The following TP53INP1 variants were observed in gnomAD, a reference collection of about 807,000 sequenced individuals.
TP53INP1 encodes tumor protein p53-inducible nuclear protein 1.
In TP53INP1, 12 loss-of-function variants were observed where a neutral mutation model predicts 21.0. That is an observed-to-expected ratio of 0.57 (90% CI 0.37 to 0.93). The LOEUF is 0.93. Ranked by LOEUF, TP53INP1 falls within the 40% of genes least tolerant of loss-of-function variation. The probability of loss-of-function intolerance (pLI) is 0.01; values close to 1 mark genes in which losing one functional copy is unlikely to be tolerated. For synonymous variants in TP53INP1, 91 were observed against 94.8 expected, an observed-to-expected ratio of 0.96 and a Z score of 0.23; for missense variants, 274 against 294.7, an observed-to-expected ratio of 0.93 and a Z score of 0.51.
At chr8:94,945,286 C>T (rs928185851) in intron 1 of TP53INP1, among the ~76,000 whole-genome samples, 4 of 152,256 alleles carry the variant, frequency 2.6e-5, no homozygotes, top group African/African-American at 9.6e-5. Context: ...AAAGTACACA[C>T]TAGAGTGTAT....
At position 94,936,134 on chromosome 8, in the gene TP53INP1, C is replaced by T. The variant is rs147656319; in HGVS notation, c.473+3726G>A. Reference sequence around the variant, plus strand: ...AGAATTTCCACATGAGAGGCATTTACTCCCTTGCCACAGGACATTAATTGA... The same window carrying T: ...AGAATTTCCACATGAGAGGCATTTATTCCCTTGCCACAGGACATTAATTGA... On this transcript the variant is annotated intron_variant, in intron 3 of 3. Coordinates refer to ENST00000342697, the MANE Select transcript of TP53INP1 (RefSeq NM_033285.4). 2.6e-3 allele frequency among the ~76,000 whole-genome samples: 402 copies of T among 152,326 alleles called. 1 individual carries two copies. The highest frequency in any genetic ancestry group is 9.1e-3 in the African/African-American group (377 of 41,578).
At chr8:94,933,177 C>A (rs1258030467) in intron 3 of TP53INP1, among the ~76,000 whole-genome samples, 2 of 152,178 alleles carry the variant, frequency 1.3e-5, no homozygotes, top group Non-Finnish European at 2.9e-5. Context: ...GATTGCGCCG[C>A]TGCAATCCAG....
At chr8:94,938,852 C>T (rs1454706369) in intron 3 of TP53INP1, among the ~76,000 whole-genome samples, 2 of 152,238 alleles carry the variant, frequency 1.3e-5, no homozygotes, top group Non-Finnish European at 2.9e-5. Flanking sequence ...GTCGTGGGAA[C>T]ACCAGTTTAC....
intron 3 of TP53INP1, 137 bp from the exon 4 acceptor site, chr8:94,930,865 A>G: frequency 9.6e-7 from 1 of 1,045,396 alleles, no homozygotes; most frequent in African/African-American, 1.6e-5. Flanking sequence ...TGGCTGACAG[A>G]CAAGTTTATT....
At chr8:94,936,575 A>G (rs559213115) in intron 3 of TP53INP1, among the ~76,000 whole-genome samples, 2 of 152,280 alleles carry the variant, frequency 1.3e-5, no homozygotes, top group South Asian at 4.1e-4. Flanking sequence ...GGAAGCCCCT[A>G]GGTTTGGGTT....
At position 94,930,813 on chromosome 8, in the gene TP53INP1, C is replaced by A. The variant is rs1234418757; in HGVS notation, c.474-85G>T. 1.6e-5 allele frequency: 23 copies of A among 1,450,932 alleles called. 1 individual carries two copies. In the South Asian group the frequency reaches 2.7e-4, roughly 17 times the overall value. 89.9% of individuals were successfully genotyped at this position (1,450,932 alleles called of 1,614,324 possible). The stretch of plus-strand genomic sequence containing the variant: ...AAAAGTTACTTAGCAATTCAATTTG[C>A]CACGCTAATTTGTTTATGGCTGAAT... On this transcript the variant is annotated intron_variant, in intron 3 of 3. Coordinates refer to ENST00000342697, the MANE Select transcript of TP53INP1 (RefSeq NM_033285.4).
intron 3 of TP53INP1, among the ~76,000 whole-genome samples, chr8:94,938,286 T>C (rs1031291841): frequency 3.3e-4 from 50 of 152,342 alleles, no homozygotes; most frequent in African/African-American, 1.1e-3. Flanking sequence ...TGAATGGGAT[T>C]CTGGTGTTGT....
intron 2 of TP53INP1, among the ~76,000 whole-genome samples, chr8:94,940,444 TCTG>T (rs1372235049): frequency 6.1e-5 from 5 of 82,542 alleles, no homozygotes; most frequent in Non-Finnish European, 1.2e-4. Context: ...GCACAGAAAT[TCTG>T]TGTGTGTGTG....
At chr8:94,947,902 C>A (rs1448596440) in intron 1 of TP53INP1, among the ~76,000 whole-genome samples, 1 of 152,190 alleles carries the variant, frequency 6.6e-6, no homozygotes, top group Non-Finnish European at 1.5e-5. Flanking sequence ...ACACTGATTG[C>A]GACTTAAAAG....
rs908485530 is a variant in TP53INP1, at chr8:94,927,041, A to G, written c.*3438T>C. 2 of 152,422 alleles carry G rather than the reference A, an allele frequency of 1.3e-5. No homozygotes were observed. Among genetic ancestry groups the G allele is most frequent in the Admixed American group, 1.3e-4 (2 of 15,282 alleles). The allele number at this position is 152,422 out of a possible 1,614,324, so 9.4% of individuals were successfully genotyped here. A position where few individuals can be genotyped will look rare whatever the true frequency, so the allele number is the denominator to read the frequency against. ...AAAAAGATAATTTTAAAGTAACATTACAAACATATACTACTAGTGTCTCCC... is the reference window on the plus strand; with the variant it reads ...AAAAAGATAATTTTAAAGTAACATTGCAAACATATACTACTAGTGTCTCCC... On this transcript the variant is annotated 3_prime_UTR_variant, in exon 4 of 4. Coordinates refer to ENST00000342697, the MANE Select transcript of TP53INP1 (RefSeq NM_033285.4).
At chr8:94,931,609 C>CACACACACAT (rs146282014) in intron 3 of TP53INP1, among the ~76,000 whole-genome samples, 117 of 151,680 alleles carry the variant, frequency 7.7e-4, no homozygotes, top group African/African-American at 2.3e-3. Flanking sequence ...CACACACACA[C>CACACACACAT]ATAAAATTTT....
In TP53INP1 at chr8:94,932,808, T is replaced by TA. The variant is rs749341346; in HGVS notation, c.474-2081dup. ...AAGGAGCGAGACTCCGTCTCAAAAA[T>TA]AAAAAAAAAAGAATTTCAAATCCCA... On this transcript the variant is annotated intron_variant, in intron 3 of 3. Coordinates refer to ENST00000342697, the MANE Select transcript of TP53INP1 (RefSeq NM_033285.4). 2.0e-4 allele frequency among the ~76,000 whole-genome samples: 28 copies of TA among 140,872 alleles called. No homozygotes were observed. In the East Asian group the frequency reaches 2.8e-3, roughly 14 times the overall value. 92.4% of individuals were successfully genotyped at this position (140,872 alleles called of 152,430 possible). A position where few individuals can be genotyped will look rare whatever the true frequency, so the allele number is the denominator to read the frequency against.
At position 94,927,477 on chromosome 8, in the gene TP53INP1, G is replaced by A. The variant is rs1245197136; in HGVS notation, c.*3002C>T. ...CAGTTTGCATGGGGATTGGAAAAAT[G>A]TATAGGAAATTAATATTTCTTAAAA... On this transcript the variant is annotated 3_prime_UTR_variant, in exon 4 of 4. Transcript: ENST00000342697. 6.6e-6 allele frequency: 1 copy of A among 152,130 alleles called. No individual in the cohort carries two copies. The highest frequency in any genetic ancestry group is 2.4e-5 in the African/African-American group (1 of 41,424). The allele number at this position is 152,130 out of a possible 1,614,324, so 9.4% of individuals were successfully genotyped here.
chr8:94,927,673 ATATAT>A lies in TP53INP1; in HGVS notation c.*2801_*2805del, dbSNP rs532954455. 4 of 152,282 alleles carry A rather than the reference ATATAT, an allele frequency of 2.6e-5. No homozygotes were observed. Among genetic ancestry groups the A allele is most frequent in the South Asian group, 4.1e-4 (2 of 4,826 alleles). The allele number at this position is 152,282 out of a possible 1,614,324, so 9.4% of individuals were successfully genotyped here. A position where few individuals can be genotyped will look rare whatever the true frequency, so the allele number is the denominator to read the frequency against. On this transcript the variant is annotated 3_prime_UTR_variant, in exon 4 of 4. Coordinates refer to ENST00000342697, the MANE Select transcript of TP53INP1 (RefSeq NM_033285.4). ...TTGAGAAAAAAAATAAACATAAGATATATATTATAAAATGTTTTGTCAACAAAAAC... is the reference window on the plus strand; with the variant it reads ...TTGAGAAAAAAAATAAACATAAGATATATAAAATGTTTTGTCAACAAAAAC...
chr8:94,933,776 A>C (rs539868727), intron 3 of TP53INP1, among the ~76,000 whole-genome samples: 18 of 148,874 alleles, frequency 1.2e-4, no homozygotes, highest in Admixed American at 2.7e-4. Flanking sequence ...AAAAACCCCC[A>C]AAAAAACCAA....
intron 1 of TP53INP1, among the ~76,000 whole-genome samples, chr8:94,943,068 T>C (rs1248174197): frequency 1.3e-5 from 2 of 152,194 alleles, no homozygotes; most frequent in East Asian, 1.9e-4. Flanking sequence ...TGGGGGGATA[T>C]GCAAAATAAT....
chr8:94,941,607 A>G (rs557427139), intron 1 of TP53INP1, among the ~76,000 whole-genome samples: 38 of 152,334 alleles, frequency 2.5e-4, no homozygotes, highest in East Asian at 1.2e-3. Context: ...TTGACCTTCT[A>G]AACAATTCCT....
At position 94,940,865 on chromosome 8, in the gene TP53INP1, T is replaced by C; in HGVS notation, c.77A>G (p.Lys26Arg). The change falls in exon 2 of 4, where the codon AAA (lysine) becomes AGA (arginine). Residue 26 changes from lysine (K) to arginine (R), a missense_variant. Transcript: ENST00000342697. ...AACAAGAATCCATTCATCATCTTCTTTCTCATTGAATTCTGGTTCTTGGTT... is the reference window on the plus strand; with the variant it reads ...AACAAGAATCCATTCATCATCTTCTCTCTCATTGAATTCTGGTTCTTGGTT... ...SSNQEPEFNE[K>R]EDDEWILVDF... is the part of the protein sequence containing the mutation. 3.1e-6 allele frequency: 5 copies of C among 1,613,806 alleles called. No homozygotes were observed. The highest frequency in any genetic ancestry group is 3.4e-6 in the Non-Finnish European group (4 of 1,179,872).
At chr8:94,933,398 A>C (rs987973929) in intron 3 of TP53INP1, among the ~76,000 whole-genome samples, 3 of 152,232 alleles carry the variant, frequency 2.0e-5, no homozygotes, top group Non-Finnish European at 4.4e-5. Flanking sequence ...GGAAGGAAGA[A>C]GAAGGAAGAA....
Sources: gnomAD v4.1 joint callset for allele counts (sites outside exome capture counted in the v4.1 genomes callset) on GRCh38, gnomAD v4.1.1 for gene constraint, MANE v1.5 for transcripts, NCBI Gene and HGNC (gene_info 2026-07-23, HGNC 2026-07-21) for gene names.